DNMT1: variants seen among roughly 807,000 people sequenced by gnomAD.
The protein encoded by DNMT1 is DNA methyltransferase 1, also known as DNA (cytosine-5)-methyltransferase 1.
Under a neutral mutation model 205.3 loss-of-function variants are expected in DNMT1, and 24 were observed. The ratio of observed to expected loss-of-function variants is 0.12; its 90% CI spans 0.08 to 0.16. The LOEUF is 0.16. DNMT1 is among the 10% of genes least tolerant of loss of function. DNMT1 has a pLI of 1.00. For missense variants in DNMT1, 1,293 were observed against 2,177.7 expected, an observed-to-expected ratio of 0.59 and a Z score of 8.09; for synonymous variants, 817 against 839.8, an observed-to-expected ratio of 0.97 and a Z score of 0.47.
chr19:10,143,296 C>T (rs991605949), intron 29 of DNMT1, among the ~76,000 whole-genome samples: 9 of 152,004 alleles, frequency 5.9e-5, no homozygotes, highest in Non-Finnish European at 1.3e-4. Context: ...CTCACTACAG[C>T]CTCAAATTCC....
intron 22 of DNMT1, among the ~76,000 whole-genome samples, chr19:10,152,270 T>TAA (rs372986537): frequency 0.19 from 18,295 of 97,500 alleles, 1,730 homozygotes; most frequent in East Asian, 0.42. Context: ...CTCAAAAAAT[T>TAA]AAAAAAAAAA....
In DNMT1 at chr19:10,137,660, A is replaced by G. The variant is rs1025361328; in HGVS notation, c.4293+172T>C. On this transcript the variant is annotated intron_variant, in intron 36 of 40. Transcript: ENST00000359526. The surrounding 1 kb of genome is among the most constrained non-coding windows in gnomAD (Gnocchi z 6.4). ...AGTCCAGGACTGCGGGAGCTCTGAC[A>G]CTTCCCATGACCATGCAAGAGAGAC... The G allele has an allele frequency of 9.4e-6, 9 of 954,772 alleles. No homozygotes were observed. In the African/African-American group the frequency reaches 9.7e-5, roughly 10 times the overall value. The allele number at this position is 954,772 out of a possible 1,614,324, so 59.1% of individuals were successfully genotyped here.
At chr19:10,175,027 C>A (rs2038906365) in intron 7 of DNMT1, among the ~76,000 whole-genome samples, 1 of 148,822 alleles carries the variant, frequency 6.7e-6, no homozygotes, top group South Asian at 2.1e-4. Context: ...AAGAGCAAAA[C>A]CCTGTCTCAA....
chr19:10,167,574 T>TA (rs1313593073), intron 10 of DNMT1, among the ~76,000 whole-genome samples: 1 of 152,206 alleles, frequency 6.6e-6, no homozygotes, highest in East Asian at 1.9e-4. Flanking sequence ...CACAAGCGTG[T>TA]ACCCAGCCTG....
chr19:10,169,386 C>CAAA (rs61170762), intron 9 of DNMT1, among the ~76,000 whole-genome samples: 1,936 of 80,904 alleles, frequency 0.024, 27 homozygotes, highest in African/African-American at 0.041. Context: ...ACTAAAAATA[C>CAAA]AAAAAAAAAA....
At chr19:10,180,682 T>C (rs928228471) in intron 3 of DNMT1, 96 bp downstream of exon 3, 2 of 1,465,498 alleles carry the variant, frequency 1.4e-6, no homozygotes, top group African/African-American at 2.9e-5. Flanking sequence ...CATCAGGCAA[T>C]GAGGACAGCT....
At position 10,151,390 on chromosome 19, in the gene DNMT1, A is replaced by T. The variant is rs775441598; in HGVS notation, c.2265+8T>A. ...GCAGTGAGCTGACCAAGGGGCTCCAAGGGTTACCTTGACGGCTTCTCCGAC... is the reference window on the plus strand; with the variant it reads ...GCAGTGAGCTGACCAAGGGGCTCCATGGGTTACCTTGACGGCTTCTCCGAC... On this transcript the variant is annotated splice_region_variant and intron_variant, in intron 24 of 40. Transcript: ENST00000359526. This position sits in a 1 kb window ranked among gnomAD's most constrained non-coding sequence, Gnocchi z 5.0. 5 of 1,612,574 alleles carry T rather than the reference A, an allele frequency of 3.1e-6. No individual in the cohort carries two copies. The highest frequency in any genetic ancestry group is 4.2e-6 in the Non-Finnish European group (5 of 1,180,014).
chr19:10,160,359 G>C (rs747406267), intron 14 of DNMT1, 25 bp downstream of exon 14: 1 of 1,613,970 alleles, frequency 6.2e-7, no homozygotes, highest in Admixed American at 1.7e-5. Context: ...ATCTGCTTTC[G>C]ATAATGTCAA....
chr19:10,149,114 A>C, intron 26 of DNMT1, 97 bp from the exon 27 acceptor site: 1 of 1,520,562 alleles, frequency 6.6e-7, no homozygotes, highest in Non-Finnish European at 8.9e-7. Context: ...ACCTAAGGTC[A>C]GGAGTTCGAG....
At chr19:10,177,937 A>G (rs187058317) in intron 5 of DNMT1, among the ~76,000 whole-genome samples, 6,267 of 151,040 alleles carry the variant, frequency 0.041, 433 homozygotes, top group African/African-American at 0.14. Context: ...GTCTCTTAAA[A>G]AAAAAAAAAA....
In DNMT1 at chr19:10,146,356, C is replaced by A; in HGVS notation, c.2889G>T (p.Thr963=). The change falls in exon 28 of 41, where the codon ACG becomes ACT. Residue 963 remains threonine, a synonymous_variant. Transcript: ENST00000359526. This position sits in a 1 kb window ranked among gnomAD's most constrained non-coding sequence, Gnocchi z 4.4. ...TGCTCCGAGGGGGCACTTACTTGAA[C>A]GTGAAGGCCTCAGGGGGCAGGTACA... ...DGVYLPPEAF[T]FNIKLSSPVK... is the part of the protein sequence containing the mutation. The A allele has an allele frequency of 6.2e-7, 1 of 1,613,934 alleles. No homozygotes were observed. The highest frequency in any genetic ancestry group is 1.1e-5 in the South Asian group (1 of 91,062).
At chr19:10,155,974 G>A (rs1568235551) in intron 18 of DNMT1, 29 bp from the exon 19 acceptor site, 3 of 1,604,454 alleles carry the variant, frequency 1.9e-6, no homozygotes, top group Non-Finnish European at 2.6e-6. Context: ...ATGGACTAAA[G>A]GCTCTGACTC....
intron 1 of DNMT1, among the ~76,000 whole-genome samples, chr19:10,186,589 A>G (rs2039187514): frequency 6.6e-6 from 1 of 152,028 alleles, no homozygotes; most frequent in Non-Finnish European, 1.5e-5. Flanking sequence ...CTGTAATCCC[A>G]GCACTTTGGG....
In DNMT1 at chr19:10,134,025, G is replaced by A. The variant is rs867134009; in HGVS notation, c.4864+192C>T. Among the ~76,000 whole-genome samples the A allele has an allele frequency of 3.3e-5, 5 of 152,342 alleles. No individual in the cohort carries two copies. The Middle Eastern group carries it at 0.017, about 518-fold the overall frequency. ...ACCAAAGGCCTGCTGTGTGCAGCACGCCTGCTCTAAGCACTTGACACGTGC... is the reference window on the plus strand; with the variant it reads ...ACCAAAGGCCTGCTGTGTGCAGCACACCTGCTCTAAGCACTTGACACGTGC... On this transcript the variant is annotated intron_variant, in intron 40 of 40. Coordinates refer to ENST00000359526, the MANE Select transcript of DNMT1 (RefSeq NM_001130823.3).
chr19:10,137,459 A>T lies in DNMT1; in HGVS notation c.4294-179T>A, dbSNP rs1217303176. Reference sequence around the variant, plus strand: ...CGAGGCCACGGCAGGGACCTGAGGCAGCGCAGGTGTAGGAGAGCGTGGGAA... The same window carrying T: ...CGAGGCCACGGCAGGGACCTGAGGCTGCGCAGGTGTAGGAGAGCGTGGGAA... On this transcript the variant is annotated intron_variant, in intron 36 of 40. Transcript: ENST00000359526. This position sits in a 1 kb window ranked among gnomAD's most constrained non-coding sequence, Gnocchi z 6.4. 10 of 752,060 alleles carry T rather than the reference A, an allele frequency of 1.3e-5. No homozygotes were observed. The East Asian group carries it at 2.4e-4, about 18-fold the overall frequency. The allele number at this position is 752,060 out of a possible 1,614,324, so 46.6% of individuals were successfully genotyped here.
chr19:10,171,872 TG>T (rs1373985837), intron 9 of DNMT1, among the ~76,000 whole-genome samples: 1 of 151,676 alleles, frequency 6.6e-6, no homozygotes, highest in East Asian at 1.9e-4. Flanking sequence ...CCAGGTGTGG[TG>T]GCAGGCGCCT....
At chr19:10,149,118 G>A (rs1174650954) in intron 26 of DNMT1, 101 bp from the exon 27 acceptor site, 19 of 1,501,562 alleles carry the variant, frequency 1.3e-5, no homozygotes, top group Non-Finnish European at 1.6e-5. Flanking sequence ...AAGGTCAGGA[G>A]TTCGAGACCA....
intron 1 of DNMT1, among the ~76,000 whole-genome samples, chr19:10,188,028 G>A (rs1323620434): frequency 6.6e-6 from 1 of 152,118 alleles, no homozygotes; most frequent in East Asian, 1.9e-4. Context: ...TGTGGTCCTA[G>A]CTACTCAGGA....
At chr19:10,193,536 G>C (rs1415986251) in intron 1 of DNMT1, among the ~76,000 whole-genome samples, 1 of 151,708 alleles carries the variant, frequency 6.6e-6, no homozygotes, top group Non-Finnish European at 1.5e-5. Context: ...GCTAATTTTT[G>C]TATTTTTAGT....
Sources: gnomAD v4.1 joint callset for allele counts (sites outside exome capture counted in the v4.1 genomes callset) on GRCh38, gnomAD v4.1.1 for gene constraint, Gnocchi (gnomAD v3.1) non-coding constraint, MANE v1.5 for transcripts, NCBI Gene and HGNC (gene_info 2026-07-23, HGNC 2026-07-21) for gene names.